The following ASPM variants were observed in gnomAD, a reference collection of about 807,000 sequenced individuals.
ASPM encodes the protein assembly factor for spindle microtubules, also known as abnormal spindle-like microcephaly-associated protein.
Under a neutral mutation model 366.4 loss-of-function variants are expected in ASPM, and 256 were observed. The observed-to-expected ratio is 0.70, with a 90% CI of 0.63 to 0.77. The LOEUF is 0.77. Ranked by LOEUF, ASPM falls within the 30% of genes least tolerant of loss-of-function variation. ASPM has a pLI of 0.00. For synonymous variants in ASPM, 1,414 were observed against 1,342.9 expected (o/e 1.05, Z -1.16); for missense variants, 4,146 against 4,090.4 (o/e 1.01, Z -0.37).
At chr1:197,130,095 C>T in intron 7 of ASPM, 39 bp from the exon 8 acceptor site, 1 of 1,598,332 alleles carries the variant, frequency 6.3e-7, no homozygotes, top group South Asian at 1.1e-5. Flanking sequence ...ATTATGCTAT[C>T]TCTAAGAAAC....
In ASPM at chr1:197,102,331, T is replaced by C. The variant is rs775642269; in HGVS notation, c.6920A>G (p.Gln2307Arg). The C allele has an allele frequency of 5.6e-6, 9 of 1,612,582 alleles. No individual in the cohort carries two copies. Among genetic ancestry groups the C allele is most frequent in the Admixed American group, 3.3e-5 (2 of 59,748 alleles). ...RAHLCTKHHL[Q>R]FLQVQNAVIK... The stretch of plus-strand genomic sequence containing the variant: ...AACTGCATTTTGTACCTGAAGGAAC[T>C]GTAAGTGATGCTTTGTACAAAGATG... Residue 2307 changes from glutamine to arginine, a missense_variant, in exon 18 of 28, where the codon CAG becomes CGG. Transcript: ENST00000367409.
chr1:197,093,295 G>T, intron 20 of ASPM, 34 bp from the exon 21 acceptor site: 1 of 1,547,942 alleles, frequency 6.5e-7, no homozygotes. Flanking sequence ...ACATTAATGG[G>T]TAGAAAGAAA....
In ASPM at chr1:197,146,442, G is replaced by A. The variant is rs1658789306; in HGVS notation, c.-5C>T. 1 of 1,606,056 alleles carries A rather than the reference G, an allele frequency of 6.2e-7. No homozygotes were observed. Among genetic ancestry groups the A allele is most frequent in the South Asian group, 1.1e-5 (1 of 90,958 alleles). On this transcript the variant is annotated 5_prime_UTR_variant, in exon 1 of 28. Coordinates refer to ENST00000367409, the MANE Select transcript of ASPM (RefSeq NM_018136.5). ...CCCCACTCGCCGGTTCGCCATGGCA[G>A]ATTCGAGACCCCTCCTGGATCTCCT...
rs1487424021 is a variant in ASPM, at chr1:197,104,557, A to G, written c.4694T>C (p.Val1565Ala). Residue 1565 changes from valine to alanine, a missense_variant, in exon 18 of 28, where the codon GTT (valine) becomes GCT (alanine). Physicochemically the swap from Val to Ala is moderately conservative, Grantham distance 64. Around this residue, in one of 3 missense-constraint regions of ASPM, gnomAD observed 3,624 missense variants for 3,591.7 expected, o/e 1.01. Transcript: ENST00000367409. ...TCTCATTCTCCAGTATGACTGAATAACACAAGCAGCTCTAATTTGTCTACA... is the reference window on the plus strand; with the variant it reads ...TCTCATTCTCCAGTATGACTGAATAGCACAAGCAGCTCTAATTTGTCTACA... ...NLCRQIRAAC[V>A]IQSYWRMRQD... The G allele has an allele frequency of 5.0e-6, 8 of 1,612,876 alleles. No homozygotes were observed. In the East Asian group the frequency reaches 1.6e-4, roughly 32 times the overall value.
Position 197,090,233 on chromosome 1 carries a change from C to T in ASPM, c.9792G>A (p.Lys3264=). ...AGGCCTCAAGAATGGCAGAAAGGTG[C>T]TTATATGTCAAAAGGTAATGAAGTG... The part of the protein sequence containing the change: ...ALALHYLLTY[K]HLSAILEALK... The change falls in exon 24 of 28, where the codon AAG becomes AAA. Residue 3264 remains lysine, a synonymous_variant. Transcript: ENST00000367409. 1 of 1,613,472 alleles carries T rather than the reference C, an allele frequency of 6.2e-7. No homozygotes were observed. The highest frequency in any genetic ancestry group is 8.5e-7 in the Non-Finnish European group (1 of 1,179,674).
At position 197,142,719 on chromosome 1, in the gene ASPM, C is replaced by T. The variant is rs1243898936; in HGVS notation, c.1533G>A (p.Glu511=). 6.2e-7 allele frequency: 1 copy of T among 1,613,950 alleles called. No individual in the cohort carries two copies. The highest frequency in any genetic ancestry group is 8.5e-7 in the Non-Finnish European group (1 of 1,179,868). ...ATCTTTTTGCTTTTGGTTTATTAAT[C>T]TCAGTTTGGTTTTCTCTGGTACAGG... The part of the protein sequence containing the change: ...KATCTRENQT[E]INKPKAKRCL... The change falls in exon 3 of 28, where the codon GAG becomes GAA. Residue 511 remains glutamate (E), a synonymous_variant. Transcript: ENST00000367409.
Position 197,086,896 on chromosome 1 carries a change from T to C in ASPM, c.10238A>G (p.Asn3413Ser). 1 of 1,611,812 alleles carries C rather than the reference T, an allele frequency of 6.2e-7. No homozygotes were observed. The highest frequency in any genetic ancestry group is 1.1e-5 in the South Asian group (1 of 91,018). ...TTGCTTGTAAAGTATTCTTTCAGTATTCATTTTATGTTTATGAGCTGTAAG... is the reference window on the plus strand; with the variant it reads ...TTGCTTGTAAAGTATTCTTTCAGTACTCATTTTATGTTTATGAGCTGTAAG... ...YKLTAHKHKM[N>S]TERILYKQKK... is the part of the protein sequence containing the mutation. Residue 3413 changes from asparagine (N) to serine (S), a missense_variant, in exon 27 of 28, where the codon AAT (asparagine) becomes AGT (serine). Physicochemically the swap from Asn to Ser is conservative, Grantham distance 46. Around this residue, in one of 3 missense-constraint regions of ASPM, gnomAD observed 3,624 missense variants for 3,591.7 expected, o/e 1.01. Transcript: ENST00000367409.
In ASPM at chr1:197,133,527, T is replaced by C. The variant is rs1346709721; in HGVS notation, c.2242A>G (p.Lys748Glu). The C allele has an allele frequency of 1.9e-6, 3 of 1,614,052 alleles. No individual in the cohort carries two copies. The highest frequency in any genetic ancestry group is 1.7e-5 in the Admixed American group (1 of 60,022). ...HKISVPRAPT[K>E]EEMSLRAYTA... ...TAAGCTCTGAGAGACATTTCCTCTT[T>C]TGTAGGTGCTCTAGGAACACTTATT... The change falls in exon 6 of 28, where the codon AAA (lysine) becomes GAA (glutamate). Residue 748 changes from lysine (K) to glutamate (E), a missense_variant. Around this residue, in one of 3 missense-constraint regions of ASPM, gnomAD observed 3,624 missense variants for 3,591.7 expected, o/e 1.01. Coordinates refer to ENST00000367409, the MANE Select transcript of ASPM (RefSeq NM_018136.5).
Position 197,143,204 on chromosome 1 carries a change from G to C in ASPM, c.1048C>G (p.Pro350Ala). 6.2e-7 allele frequency: 1 copy of C among 1,613,390 alleles called. No homozygotes were observed. The highest frequency in any genetic ancestry group is 8.5e-7 in the Non-Finnish European group (1 of 1,179,568). Residue 350 changes from proline (P) to alanine (A), a missense_variant, in exon 3 of 28, where the codon CCT (proline) becomes GCT (alanine). Coordinates refer to ENST00000367409, the MANE Select transcript of ASPM (RefSeq NM_018136.5). Reference sequence around the variant, plus strand: ...GCAATTGTTGATTCCAAATGCACAGGCTGTGAATTATCTTTCATAAACATA... The same window carrying C: ...GCAATTGTTGATTCCAAATGCACAGCCTGTGAATTATCTTTCATAAACATA... ...SDMFMKDNSQ[P>A]VHLESTIAHE...
intron 7 of ASPM, 21 bp from the exon 8 acceptor site, chr1:197,130,077 A>G (rs758191456): frequency 1.9e-6 from 3 of 1,610,798 alleles, no homozygotes; most frequent in Non-Finnish European, 2.5e-6. Flanking sequence ...ATTAAAGCCA[A>G]AGTCAGAATT....
At chr1:197,140,931 C>T (rs1253691717) in intron 3 of ASPM, among the ~76,000 whole-genome samples, 1 of 151,966 alleles carries the variant, frequency 6.6e-6, no homozygotes, top group Non-Finnish European at 1.5e-5. Flanking sequence ...AAATATGTAA[C>T]CAAGATGGTT....
At position 197,142,444 on chromosome 1, in the gene ASPM, T is replaced by C. The variant is rs139049142; in HGVS notation, c.1808A>G (p.His603Arg). ...TGTTTTAGGCTCTGAGGGAGAAAAA[T>C]GGATTCTTTTGATTTCTCGCACTTC... ...HTEVREIKRIHFSPSEPKTSA... is the reference protein window; with the variant it reads ...HTEVREIKRIRFSPSEPKTSA... The change falls in exon 3 of 28, where the codon CAT becomes CGT. Residue 603 changes from histidine to arginine, a missense_variant. By Grantham distance (29) the His-to-Arg change is conservative. Around this residue, in one of 3 missense-constraint regions of ASPM, gnomAD observed 3,624 missense variants for 3,591.7 expected, o/e 1.01. Coordinates refer to ENST00000367409, the MANE Select transcript of ASPM (RefSeq NM_018136.5). 5 of 1,613,842 alleles carry C rather than the reference T, an allele frequency of 3.1e-6. No homozygotes were observed. The African/African-American group carries it at 6.7e-5, about 22-fold the overall frequency.
chr1:197,095,147 T>C (rs911396145), intron 19 of ASPM, among the ~76,000 whole-genome samples: 1 of 151,800 alleles, frequency 6.6e-6, no homozygotes, highest in African/African-American at 2.4e-5. Context: ...TAAATTATTG[T>C]TAACTATAGT....
At chr1:197,144,188 C>A in intron 1 of ASPM, 88 bp from the exon 2 acceptor site, 1 of 940,778 alleles carries the variant, frequency 1.1e-6, no homozygotes, top group Non-Finnish European at 1.7e-6. Context: ...TATAGTAGGG[C>A]TTAATAATTG....
Position 197,139,819 on chromosome 1 carries a change from G to A in ASPM, c.1974C>T (p.Pro658=). ...PISKTNKRTK[P]IIAVAQSSLT... ...AACTGGACTGTGCCACAGCGATAATGGGTTTTGTCCTTTTGTTTGTTTTAG... is the reference window on the plus strand; with the variant it reads ...AACTGGACTGTGCCACAGCGATAATAGGTTTTGTCCTTTTGTTTGTTTTAG... Residue 658 remains proline, a synonymous_variant, in exon 4 of 28, where the codon CCC becomes CCT. Transcript: ENST00000367409. The A allele has an allele frequency of 6.2e-7, 1 of 1,612,434 alleles. No individual in the cohort carries two copies. Among genetic ancestry groups the A allele is most frequent in the Non-Finnish European group, 8.5e-7 (1 of 1,178,612 alleles).
chr1:197,123,324 T>C (rs936581055), intron 13 of ASPM, among the ~76,000 whole-genome samples: 12 of 152,138 alleles, frequency 7.9e-5, no homozygotes, highest in Admixed American at 3.3e-4. Flanking sequence ...GAGCACCACC[T>C]TGTTTGACAT....
chr1:197,089,882 G>A (rs1336264193), intron 25 of ASPM, 48 bp downstream of exon 25: 7 of 1,570,320 alleles, frequency 4.5e-6, no homozygotes, highest in Non-Finnish European at 6.1e-6. Context: ...ATTTGCAGGG[G>A]CATATTTGTT....
chr1:197,101,408 T>C lies in ASPM; in HGVS notation c.7843A>G (p.Met2615Val), dbSNP rs1254915826. ...TCCTGAATCTGTTTTTTTATGTTCATGTCCTGAAAACCTGCCTGAACACAA... is the reference window on the plus strand; with the variant it reads ...TCCTGAATCTGTTTTTTTATGTTCACGTCCTGAAAACCTGCCTGAACACAA... The part of the protein sequence containing the change: ...ETCVQAGFQD[M>V]NIKKQIQEQH... The change falls in exon 18 of 28, where the codon ATG becomes GTG. Residue 2615 changes from methionine to valine, a missense_variant. Physicochemically the swap from Met to Val is conservative, Grantham distance 21 (BLOSUM62 1). Coordinates refer to ENST00000367409, the MANE Select transcript of ASPM (RefSeq NM_018136.5). 3 of 1,608,426 alleles carry C rather than the reference T, an allele frequency of 1.9e-6. No homozygotes were observed. The highest frequency in any genetic ancestry group is 4.5e-5 in the East Asian group (2 of 44,710).
At chr1:197,087,558 C>T (rs1368882306) in intron 26 of ASPM, among the ~76,000 whole-genome samples, 1 of 152,056 alleles carries the variant, frequency 6.6e-6, no homozygotes, top group African/African-American at 2.4e-5. Context: ...CAATTATAGT[C>T]AACACACCTA....
Sources: allele counts gnomAD v4.1 joint callset (sites outside exome capture counted in the v4.1 genomes callset), GRCh38; gene constraint gnomAD v4.1.1; regional missense constraint gnomAD v4.1.1; transcripts MANE v1.5; gene names NCBI Gene and HGNC (gene_info 2026-07-23, HGNC 2026-07-21).